BPIFB6: variants seen among roughly 807,000 people sequenced by gnomAD.
BPIFB6 encodes BPI fold-containing family B member 6.
A neutral mutation model predicts 54.7 loss-of-function variants in BPIFB6; 47 were observed. The observed-to-expected ratio is 0.86, with a 90% CI of 0.68 to 1.10. The LOEUF (loss-of-function observed/expected upper bound fraction) is 1.10. BPIFB6 is among the 50% of genes least tolerant of loss of function. BPIFB6 has a pLI of 0.00. For missense variants in BPIFB6, 603 were observed against 564.1 expected (o/e 1.07, Z -0.70); for synonymous variants, 255 against 225.9 (o/e 1.13, Z -1.16).
In BPIFB6 at chr20:33,035,110, T is replaced by C. The variant is rs778325092; in HGVS notation, c.482T>C (p.Leu161Pro). 2.5e-6 allele frequency: 4 copies of C among 1,613,852 alleles called. No individual in the cohort carries two copies. In the African/African-American group the frequency reaches 5.3e-5, roughly 22 times the overall value. The change falls in exon 5 of 15, where the codon CTG (leucine) becomes CCG (proline). Residue 161 changes from leucine to proline, a missense_variant. Coordinates refer to ENST00000349552, the MANE Select transcript of BPIFB6 (RefSeq NM_174897.2). The part of the protein sequence containing the change: ...NMLPKMVNKF[L>P]DSTLHKVLPG... ...CTCCCCAAGATGGTCAACAAGTTCCTGGACAGCACCCTGCACAAAGTCCTC... is the reference window on the plus strand; with the variant it reads ...CTCCCCAAGATGGTCAACAAGTTCCCGGACAGCACCCTGCACAAAGTCCTC...
intron 11 of BPIFB6, among the ~76,000 whole-genome samples, 169 bp from the exon 12 acceptor site, chr20:33,041,801 C>G (rs1260577198): frequency 2.0e-5 from 3 of 152,166 alleles, no homozygotes; most frequent in Non-Finnish European, 4.4e-5. Flanking sequence ...TGTCCCATCA[C>G]AGGTAGCAGG....
At chr20:33,038,022 A>G (rs112900281) in intron 8 of BPIFB6, among the ~76,000 whole-genome samples, 6,327 of 152,210 alleles carry the variant, frequency 0.042, 431 homozygotes, top group African/African-American at 0.14. Context: ...CTTTTGTCCA[A>G]GCAACACCCA....
chr20:33,039,865 ATGTT>A (rs1979503213), intron 10 of BPIFB6, among the ~76,000 whole-genome samples: 1 of 152,196 alleles, frequency 6.6e-6, no homozygotes, highest in Non-Finnish European at 1.5e-5. Flanking sequence ...TAGCTGAGCT[ATGTT>A]TTGAAGGTTG....
chr20:33,031,884 T>C (rs1211486747), intron 1 of BPIFB6, 140 bp downstream of exon 1: 3 of 691,408 alleles, frequency 4.3e-6, no homozygotes, highest in African/African-American at 3.5e-5. Context: ...ATTATTATTC[T>C]CCCACTTTAC....
chr20:33,037,621 C>T lies in BPIFB6; in HGVS notation c.729C>T (p.Leu243=). ...TIKLADAGEA[L]TFPEGYAKGS... ...AGCTTGCTGATGCCGGGGAGGCCCT[C>T]ACGTTCCCTGAGGGTTATGCCAAAG... Residue 243 remains leucine (L), a synonymous_variant, in exon 8 of 15, where the codon CTC becomes CTT. Transcript: ENST00000349552. 1 of 1,613,968 alleles carries T rather than the reference C, an allele frequency of 6.2e-7. No homozygotes were observed. The highest frequency in any genetic ancestry group is 1.7e-5 in the Admixed American group (1 of 59,996).
intron 6 of BPIFB6, among the ~76,000 whole-genome samples, chr20:33,035,960 AG>A (rs1375483965): frequency 1.3e-5 from 2 of 152,148 alleles, no homozygotes; most frequent in Non-Finnish European, 2.9e-5. Flanking sequence ...GTGCCTATGT[AG>A]TAATCCCGAT....
chr20:33,031,726 G>A lies in BPIFB6; in HGVS notation c.79G>A (p.Gly27Ser). The A allele has an allele frequency of 6.2e-7, 1 of 1,614,110 alleles. No individual in the cohort carries two copies. Among genetic ancestry groups the A allele is most frequent in the Non-Finnish European group, 8.5e-7 (1 of 1,179,984 alleles). ...TGACCCTGGGGCACTGCTGCGGTTG[G>A]GCATGGACATCATGAACCGTGGTGA... ...RADPGALLRL[G>S]MDIMNQVQSA... The change falls in exon 1 of 15, where the codon GGC (glycine) becomes AGC (serine). Residue 27 changes from glycine to serine, a missense_variant. Transcript: ENST00000349552.
intron 12 of BPIFB6, among the ~76,000 whole-genome samples, chr20:33,042,257 A>G (rs1979623070): frequency 6.6e-6 from 1 of 152,170 alleles, no homozygotes; most frequent in African/African-American, 2.4e-5. Flanking sequence ...AAACATTGTC[A>G]TGAACAGTGG....
Position 33,035,759 on chromosome 20 carries a change from T to G in BPIFB6, c.577+87T>G, listed in dbSNP as rs959046181. 1.2e-5 allele frequency: 17 copies of G among 1,377,342 alleles called. No homozygotes were observed. The African/African-American group carries it at 2.0e-4, about 16-fold the overall frequency. The allele number at this position is 1,377,342 out of a possible 1,614,324, so 85.3% of individuals were successfully genotyped here. On this transcript the variant is annotated intron_variant, in intron 6 of 14. Coordinates refer to ENST00000349552, the MANE Select transcript of BPIFB6 (RefSeq NM_174897.2). ...ATGTCCCATTCCCCATCCTAGTGCC[T>G]GCTTCCAGCCCAGCCTTGGGACTAG...
At chr20:33,034,115 G>C (rs1979220514) in intron 2 of BPIFB6, 71 bp from the exon 3 acceptor site, 2 of 1,050,080 alleles carry the variant, frequency 1.9e-6, no homozygotes, top group East Asian at 4.7e-5. Flanking sequence ...CCAGTAAAGT[G>C]GTGAAGTGGG....
Position 33,036,535 on chromosome 20 carries a change from G to T in BPIFB6, c.668G>T (p.Ser223Ile). ...GCCAGCTACATCCAACTGGACTTCA[G>T]TGTAAGCGCCTAGGGCCACCTGGGA... ...TTASYIQLDF[S>I]PVVQQQKGKT... Residue 223 changes from serine to isoleucine, a missense_variant and splice_region_variant, in exon 7 of 15, where the codon AGT becomes ATT. Ser to Ile is a moderately radical substitution (Grantham distance 142). Transcript: ENST00000349552. The T allele has an allele frequency of 6.2e-7, 1 of 1,614,058 alleles. No individual in the cohort carries two copies.
intron 3 of BPIFB6, 93 bp from the exon 4 acceptor site, chr20:33,034,670 C>T: frequency 7.0e-7 from 1 of 1,424,610 alleles, no homozygotes; most frequent in Non-Finnish European, 9.5e-7. Flanking sequence ...CCCTTTCTCC[C>T]TCTCAGCTGC....
chr20:33,039,075 A>G (rs1979465053), intron 9 of BPIFB6, 113 bp downstream of exon 9: 32 of 1,254,572 alleles, frequency 2.6e-5, no homozygotes, highest in Non-Finnish European at 3.4e-5. Flanking sequence ...TTCCTTGTCC[A>G]ATGCTGAAAC....
At position 33,039,054 on chromosome 20, in the gene BPIFB6, CA is replaced by C. The variant is rs1979464576; in HGVS notation, c.900+93del. The C allele has an allele frequency of 2.9e-6, 4 of 1,381,296 alleles. No individual in the cohort carries two copies. The Admixed American group carries it at 7.3e-5, about 25-fold the overall frequency. 85.6% of individuals were successfully genotyped at this position (1,381,296 alleles called of 1,614,324 possible). ...CAGTGGGACTTGGGAGACAGCTTTT[CA>C]TGCCACATATTCCTTGTCCAATGCT... On this transcript the variant is annotated intron_variant, in intron 9 of 14. Transcript: ENST00000349552.
At chr20:33,039,743 T>C (rs1373879199) in intron 10 of BPIFB6, among the ~76,000 whole-genome samples, 1 of 152,230 alleles carries the variant, frequency 6.6e-6, no homozygotes, top group East Asian at 1.9e-4. Flanking sequence ...CCCTCCAACA[T>C]TCTTCAGCAA....
chr20:33,031,761 C>T lies in BPIFB6; in HGVS notation c.97+17C>T, dbSNP rs1403913081. On this transcript the variant is annotated intron_variant, in intron 1 of 14. Transcript: ENST00000349552. ...TCATGAACCGTGGTGAGCTTGTGGG[C>T]CCGGGCGTGCAGCTGGGAGGCGGTG... The T allele has an allele frequency of 6.2e-7, 1 of 1,611,798 alleles. No individual in the cohort carries two copies. The highest frequency in any genetic ancestry group is 8.5e-7 in the Non-Finnish European group (1 of 1,178,188).
rs530781784 is a variant in BPIFB6, at chr20:33,037,118, C to T, written c.670-444C>T. ...GGCCCTCACCCAGATCTCCAGAGCT[C>T]CAGGCGAAGAGGTGAGATGCATCTT... On this transcript the variant is annotated intron_variant, in intron 7 of 14. Transcript: ENST00000349552. Among the ~76,000 whole-genome samples the T allele has an allele frequency of 2.6e-5, 4 of 152,006 alleles. No individual in the cohort carries two copies. In the South Asian group the frequency reaches 8.3e-4, roughly 32 times the overall value.
chr20:33,035,234 T>C (rs1979285919), intron 5 of BPIFB6, 90 bp downstream of exon 5: 1 of 1,317,110 alleles, frequency 7.6e-7, no homozygotes, highest in Non-Finnish European at 1.1e-6. Flanking sequence ...GTGCTGACCC[T>C]GATTGACTGA....
Position 33,031,668 on chromosome 20 carries a change from G to T in BPIFB6, c.21G>T (p.Leu7=). MLRILC[L]ALCSLLTGTR... ...GTGCCATGCTGCGGATCCTGTGCCT[G>T]GCACTCTGCAGCCTGCTGACTGGCA... The change falls in exon 1 of 15, where the codon CTG becomes CTT. Residue 7 remains leucine, a synonymous_variant. Transcript: ENST00000349552. 6.2e-7 allele frequency: 1 copy of T among 1,613,986 alleles called. No homozygotes were observed. The highest frequency in any genetic ancestry group is 8.5e-7 in the Non-Finnish European group (1 of 1,179,980).
Sources: gnomAD v4.1 joint callset for allele counts (sites outside exome capture counted in the v4.1 genomes callset) on GRCh38, gnomAD v4.1.1 for gene constraint, MANE v1.5 for transcripts, NCBI Gene and HGNC (gene_info 2026-07-23, HGNC 2026-07-21) for gene names.